DNMBP: variants seen among roughly 807,000 people sequenced by gnomAD.
The protein encoded by DNMBP is dynamin binding protein, also known as dynamin-binding protein.
Under a neutral mutation model 150.0 loss-of-function variants are expected in DNMBP, and 87 were observed. The observed-to-expected ratio is 0.58, with a 90% CI of 0.49 to 0.69. The LOEUF (loss-of-function observed/expected upper bound fraction) is 0.69. Among genes scored for constraint, DNMBP ranks in the 30% least tolerant of loss-of-function variants. The probability of loss-of-function intolerance (pLI) is 0.00; values close to 1 mark genes in which losing one functional copy is unlikely to be tolerated. For synonymous variants in DNMBP, 711 were observed against 750.4 expected (o/e 0.95, Z 0.86); for missense variants, 1,774 against 1,949.0 (o/e 0.91, Z 1.69).
intron 4 of DNMBP, among the ~76,000 whole-genome samples, chr10:99,918,927 G>A (rs978364726): frequency 2.0e-5 from 3 of 152,202 alleles, no homozygotes; most frequent in Admixed American, 1.3e-4. Flanking sequence ...GGCAGCATAA[G>A]TAAAATAATC....
intron 15 of DNMBP, among the ~76,000 whole-genome samples, chr10:99,881,371 C>T (rs1351427043): frequency 4.6e-5 from 7 of 152,158 alleles, no homozygotes; most frequent in Non-Finnish European, 7.3e-5. Context: ...AGAATATACA[C>T]GTAACGTGTA....
At chr10:99,985,959 C>A (rs2040823081) in intron 1 of DNMBP, among the ~76,000 whole-genome samples, 1 of 152,086 alleles carries the variant, frequency 6.6e-6, no homozygotes, top group Non-Finnish European at 1.5e-5. Context: ...TCATGTTGGC[C>A]AGGCTGGTCT....
In DNMBP at chr10:99,896,311, G is replaced by T. The variant is rs768083881; in HGVS notation, c.3007C>A (p.Arg1003=). 3.1e-6 allele frequency: 5 copies of T among 1,614,004 alleles called. No homozygotes were observed. The highest frequency in any genetic ancestry group is 4.2e-6 in the Non-Finnish European group (5 of 1,180,016). ...AGATGCTTCAGGTGACTGCTAACTC[G>T]GTTGGATTTCTTGATGATGGAGTGG... ...NIHSIIKKSN[R]VSSHLKHLTG... The change falls in exon 10 of 17, where the codon CGA becomes AGA. Residue 1003 remains arginine, a synonymous_variant. Coordinates refer to ENST00000324109, the MANE Select transcript of DNMBP (RefSeq NM_015221.4).
At position 99,954,921 on chromosome 10, in the gene DNMBP, C is replaced by A. The variant is rs562529377; in HGVS notation, c.2260+293G>T. 1.6e-4 allele frequency among the ~76,000 whole-genome samples: 25 copies of A among 151,620 alleles called. No individual in the cohort carries two copies. The South Asian group carries it at 5.0e-3, about 30-fold the overall frequency. Reference sequence around the variant, plus strand: ...AAAAATTAGCCAGGTGTGGTGATGGCGCATGTCTGCAATCCCAGCCATTTG... The same window carrying A: ...AAAAATTAGCCAGGTGTGGTGATGGAGCATGTCTGCAATCCCAGCCATTTG... On this transcript the variant is annotated intron_variant, in intron 4 of 16. Transcript: ENST00000324109.
chr10:99,964,135 CTTTTTTT>C (rs895801002), intron 3 of DNMBP, among the ~76,000 whole-genome samples: 3 of 87,224 alleles, frequency 3.4e-5, no homozygotes, highest in South Asian at 4.4e-4. Flanking sequence ...TATTCTCTCT[CTTTTTTT>C]TTTTTTTTTT....
At chr10:99,963,990 G>T (rs1423130203) in intron 3 of DNMBP, among the ~76,000 whole-genome samples, 1 of 151,990 alleles carries the variant, frequency 6.6e-6, no homozygotes, top group Non-Finnish European at 1.5e-5. Flanking sequence ...TTTTTTATTG[G>T]CCTGTTGTTT....
rs148746779 is a variant in DNMBP at position 99,981,475 on chromosome 10, C to T, written c.-10-9341G>A. Among the ~76,000 whole-genome samples, 1,009 of 152,290 alleles carry T rather than the reference C, an allele frequency of 6.6e-3. 10 individuals are homozygous for T. Among genetic ancestry groups the T allele is most frequent in the African/African-American group, 0.023 (968 of 41,542 alleles). On this transcript the variant is annotated intron_variant, in intron 1 of 16. Transcript: ENST00000324109. ...GGGATTACAGGTATGAGCCACTGTG[C>T]CTGGCCAGTAATTTTTATTAAGCAA...
chr10:99,966,005 T>C (rs2133347218), intron 3 of DNMBP, among the ~76,000 whole-genome samples: 1 of 152,386 alleles, frequency 6.6e-6, no homozygotes. Flanking sequence ...CATTTTTTAG[T>C]GATTTTGTTT....
At chr10:99,936,499 T>G (rs981866264) in intron 4 of DNMBP, among the ~76,000 whole-genome samples, 3 of 149,892 alleles carry the variant, frequency 2.0e-5, no homozygotes, top group African/African-American at 7.4e-5. Flanking sequence ...AACCCTTTAC[T>G]GAAGATTTCT....
Position 99,877,355 on chromosome 10 carries a change from G to T in DNMBP, c.4549-19C>A. The T allele has an allele frequency of 6.3e-7, 1 of 1,584,192 alleles. No homozygotes were observed. Among genetic ancestry groups the T allele is most frequent in the South Asian group, 1.2e-5 (1 of 86,568 alleles). The stretch of plus-strand genomic sequence containing the variant: ...AATAGACCTGTGTGAGGGAGAGAGA[G>T]AAAATGGGAAATTGCTGGGAGCAAT... On this transcript the variant is annotated intron_variant, in intron 16 of 16. Transcript: ENST00000324109.
In DNMBP at chr10:99,885,789, G is replaced by C. The variant is rs186908796; in HGVS notation, c.3696C>G (p.Leu1232=). 41 of 1,612,264 alleles carry C rather than the reference G, an allele frequency of 2.5e-5. 2 individuals carry two copies. The East Asian group carries it at 8.9e-4, about 35-fold the overall frequency. ...ACTCCGGGAAGAAGGTAAAAACCTG[G>C]AGTTGCTGCAGAACTCTGCTGTGCT... ...HEEHSRVLQQ[L]QVFTFFPESL... The change falls in exon 14 of 17, where the codon CTC becomes CTG. Residue 1232 remains leucine (L), a synonymous_variant. Coordinates refer to ENST00000324109, the MANE Select transcript of DNMBP (RefSeq NM_015221.4).
intron 15 of DNMBP, among the ~76,000 whole-genome samples, chr10:99,882,838 G>A (rs895115249): frequency 6.6e-6 from 1 of 152,106 alleles, no homozygotes; most frequent in Non-Finnish European, 1.5e-5. Context: ...GTCAAGGCGG[G>A]ATGGAACACC....
intron 4 of DNMBP, among the ~76,000 whole-genome samples, chr10:99,950,527 G>C (rs1326709115): frequency 6.6e-6 from 1 of 152,166 alleles, no homozygotes; most frequent in African/African-American, 2.4e-5. Flanking sequence ...GAATGACTTT[G>C]ACCAAAATGC....
intron 1 of DNMBP, among the ~76,000 whole-genome samples, chr10:100,003,154 G>A (rs1266042745): frequency 6.6e-6 from 1 of 152,122 alleles, no homozygotes; most frequent in Non-Finnish European, 1.5e-5. Context: ...AGACCATCCT[G>A]GCTATCATGG....
At chr10:100,004,362 A>G (rs1429502067) in intron 1 of DNMBP, among the ~76,000 whole-genome samples, 1 of 152,092 alleles carries the variant, frequency 6.6e-6, no homozygotes, top group Admixed American at 6.6e-5. Flanking sequence ...GAGCTAAATA[A>G]ACTTTAAGAT....
At chr10:99,924,072 T>C (rs1317434315) in intron 4 of DNMBP, among the ~76,000 whole-genome samples, 1 of 152,042 alleles carries the variant, frequency 6.6e-6, no homozygotes, top group Non-Finnish European at 1.5e-5. Flanking sequence ...GAGAATCGCT[T>C]GAACCTGGGA....
chr10:99,903,705 C>G (rs988084158), intron 6 of DNMBP, among the ~76,000 whole-genome samples: 7 of 152,166 alleles, frequency 4.6e-5, no homozygotes, highest in African/African-American at 1.7e-4. Context: ...TAGTCTGCCA[C>G]CTTCTTTTTG....
intron 1 of DNMBP, among the ~76,000 whole-genome samples, chr10:100,007,306 C>T (rs1356544648): frequency 6.6e-6 from 1 of 152,190 alleles, no homozygotes; most frequent in Non-Finnish European, 1.5e-5. Flanking sequence ...TAGAATGTGT[C>T]TGTTCCACGA....
Position 99,958,539 on chromosome 10 carries a change from A to C in DNMBP, c.269-1334T>G, listed in dbSNP as rs2040524878. On this transcript the variant is annotated intron_variant, in intron 3 of 16. Coordinates refer to ENST00000324109, the MANE Select transcript of DNMBP (RefSeq NM_015221.4). ...AAATGAAAGTGAGTCTGAAACATCAAGGAGAACAAATGACAGTATTTGTTG... is the reference window on the plus strand; with the variant it reads ...AAATGAAAGTGAGTCTGAAACATCACGGAGAACAAATGACAGTATTTGTTG... 2.0e-5 allele frequency among the ~76,000 whole-genome samples: 3 copies of C among 152,250 alleles called. No homozygotes were observed. The South Asian group carries it at 6.2e-4, about 32-fold the overall frequency.
Sources: gnomAD v4.1 joint callset for allele counts (sites outside exome capture counted in the v4.1 genomes callset) on GRCh38, gnomAD v4.1.1 for gene constraint, MANE v1.5 for transcripts, NCBI Gene and HGNC (gene_info 2026-07-23, HGNC 2026-07-21) for gene names.